The following AKAP6 variants were observed in gnomAD, a reference collection of about 807,000 sequenced individuals.
AKAP6 encodes A-kinase anchor protein 6.
A neutral mutation model predicts 188.5 loss-of-function variants in AKAP6; 58 were observed. That is an observed-to-expected ratio of 0.31 (90% confidence interval 0.25 to 0.38). The LOEUF (loss-of-function observed/expected upper bound fraction) is 0.38. Ranked by LOEUF, AKAP6 falls within the 10% of genes least tolerant of loss-of-function variation. The pLI is 1.00. For synonymous variants in AKAP6, 989 were observed against 998.6 expected, an observed-to-expected ratio of 0.99 and a Z score of 0.18; for missense variants, 2,710 against 2,740.0, an observed-to-expected ratio of 0.99 and a Z score of 0.24.
At chr14:32,479,894 G>A (rs531261867) in intron 2 of AKAP6, among the ~76,000 whole-genome samples, 9 of 152,274 alleles carry the variant, frequency 5.9e-5, no homozygotes, top group East Asian at 1.9e-4. Flanking sequence ...CATTTGTATT[G>A]TTTATAATCT....
intron 4 of AKAP6, among the ~76,000 whole-genome samples, chr14:32,573,866 G>A (rs1884605809): frequency 1.3e-5 from 2 of 152,156 alleles, no homozygotes; most frequent in African/African-American, 4.8e-5. Context: ...CATCCACATG[G>A]TCTGTGTATA....
At chr14:32,800,327 A>C (rs561905598) in intron 12 of AKAP6, among the ~76,000 whole-genome samples, 111 of 151,642 alleles carry the variant, frequency 7.3e-4, no homozygotes, top group African/African-American at 2.3e-3. Flanking sequence ...GCTCAAGCCT[A>C]GGAGGCAGAG....
chr14:32,330,395 A>T (rs1174177874), intron 1 of AKAP6, among the ~76,000 whole-genome samples: 1 of 152,042 alleles, frequency 6.6e-6, no homozygotes, highest in Non-Finnish European at 1.5e-5. Flanking sequence ...TTTCTAAAAA[A>T]TTAGTCTGAC....
chr14:32,783,497 TA>T (rs1211088688), intron 12 of AKAP6, among the ~76,000 whole-genome samples: 3 of 151,928 alleles, frequency 2.0e-5, no homozygotes, highest in East Asian at 1.9e-4. Context: ...TAAAGCTGTT[TA>T]AAAAAAACAC....
At chr14:32,619,599 A>G (rs975424630) in intron 7 of AKAP6, among the ~76,000 whole-genome samples, 23 of 152,182 alleles carry the variant, frequency 1.5e-4, no homozygotes, top group Admixed American at 6.5e-4. Context: ...TTGAAGTCAC[A>G]TAATGTGATG....
intron 12 of AKAP6, among the ~76,000 whole-genome samples, chr14:32,777,289 A>T (rs749694154): frequency 6.6e-6 from 1 of 152,232 alleles, no homozygotes; most frequent in East Asian, 1.9e-4. Context: ...ATAGTGTCTG[A>T]CATCCAATCT....
chr14:32,339,003 C>T (rs1325744134), intron 1 of AKAP6, among the ~76,000 whole-genome samples: 1 of 152,108 alleles, frequency 6.6e-6, no homozygotes, highest in East Asian at 1.9e-4. Flanking sequence ...CTGTGTCAAG[C>T]ATATATATTA....
chr14:32,340,309 C>T (rs971584943), intron 1 of AKAP6, among the ~76,000 whole-genome samples: 1 of 152,002 alleles, frequency 6.6e-6, no homozygotes, highest in Non-Finnish European at 1.5e-5. Flanking sequence ...CTTGCATCTG[C>T]AATATATGGC....
At chr14:32,709,237 C>T (rs901937232) in intron 9 of AKAP6, among the ~76,000 whole-genome samples, 2 of 151,936 alleles carry the variant, frequency 1.3e-5, no homozygotes, top group Non-Finnish European at 2.9e-5. Context: ...ATGTGACAGC[C>T]AGCTCTTGTG....
At chr14:32,459,593 A>G (rs1326084818) in intron 2 of AKAP6, among the ~76,000 whole-genome samples, 1 of 151,986 alleles carries the variant, frequency 6.6e-6, no homozygotes, top group Non-Finnish European at 1.5e-5. Context: ...CATATAAGAA[A>G]AAAAATCTAC....
At chr14:32,394,287 A>G (rs1408514146) in intron 1 of AKAP6, among the ~76,000 whole-genome samples, 1 of 152,176 alleles carries the variant, frequency 6.6e-6, no homozygotes, top group African/African-American at 2.4e-5. Flanking sequence ...GTCACTCACA[A>G]GAGATATGTT....
At chr14:32,353,189 G>T (rs1887350624) in intron 1 of AKAP6, among the ~76,000 whole-genome samples, 1 of 152,014 alleles carries the variant, frequency 6.6e-6, no homozygotes, top group Admixed American at 6.6e-5. Flanking sequence ...CTACCTCCTT[G>T]GTACAAACCT....
chr14:32,537,254 T>C (rs983101653), intron 3 of AKAP6, among the ~76,000 whole-genome samples: 2 of 152,212 alleles, frequency 1.3e-5, no homozygotes, highest in African/African-American at 4.8e-5. Flanking sequence ...ACAGTCTTTG[T>C]TTTCAGTTAG....
chr14:32,446,698 A>C (rs902119047), intron 2 of AKAP6, among the ~76,000 whole-genome samples: 1 of 152,066 alleles, frequency 6.6e-6, no homozygotes, highest in Admixed American at 6.5e-5. Flanking sequence ...CAAAAGTATA[A>C]ATATTTTATA....
chr14:32,596,318 T>A (rs1314034088), intron 5 of AKAP6, among the ~76,000 whole-genome samples: 1 of 152,210 alleles, frequency 6.6e-6, no homozygotes, highest in African/African-American at 2.4e-5. Context: ...TTTTATCTGC[T>A]TTGCAAATCT....
rs71115086 is a variant in AKAP6, at chr14:32,615,167, C to CAAAAAAAAAAAAAAAAAAAAAAAAA, written c.2730+14394_2730+14395insAAAAAAAAAAAAAAAAAAAAAAAAA. ...CTGGCAACAGAGCAAGACTCTGTCTCAAAAAAAAAAAAAAAAAAAGATAAA... is the reference window on the plus strand; with the variant it reads ...CTGGCAACAGAGCAAGACTCTGTCTCAAAAAAAAAAAAAAAAAAAAAAAAAAAAAAAAAAAAAAAAAAAAGATAAA... On this transcript the variant is annotated intron_variant, in intron 7 of 13. Transcript: ENST00000280979. 4.4e-3 allele frequency among the ~76,000 whole-genome samples: 237 copies of CAAAAAAAAAAAAAAAAAAAAAAAAA among 53,458 alleles called. 41 individuals are homozygous for CAAAAAAAAAAAAAAAAAAAAAAAAA. Among genetic ancestry groups the CAAAAAAAAAAAAAAAAAAAAAAAAA allele is most frequent in the East Asian group, 9.2e-3 (17 of 1,838 alleles). 35.1% of individuals were successfully genotyped at this position (53,458 alleles called of 152,430 possible).
chr14:32,826,695 C>T (rs911083439), intron 13 of AKAP6, among the ~76,000 whole-genome samples: 10 of 152,106 alleles, frequency 6.6e-5, no homozygotes, highest in Non-Finnish European at 1.2e-4. Flanking sequence ...CTTACATAGA[C>T]GTAGAATTGA....
intron 11 of AKAP6, among the ~76,000 whole-genome samples, chr14:32,738,711 C>T (rs754641895): frequency 6.6e-6 from 1 of 152,042 alleles, no homozygotes; most frequent in Non-Finnish European, 1.5e-5. Flanking sequence ...AGTACAAATT[C>T]CCATCCTGTC....
intron 2 of AKAP6, among the ~76,000 whole-genome samples, chr14:32,488,272 G>A (rs1486413693): frequency 6.6e-6 from 1 of 152,184 alleles, no homozygotes; most frequent in African/African-American, 2.4e-5. Context: ...AGCAGCTTTT[G>A]AGAGCTGTGG....
Sources: allele counts gnomAD v4.1 joint callset (sites outside exome capture counted in the v4.1 genomes callset), GRCh38; gene constraint gnomAD v4.1.1; transcripts MANE v1.5; gene names NCBI Gene and HGNC (gene_info 2026-07-23, HGNC 2026-07-21).